The following SLC22A17 variants were observed in gnomAD, a reference collection of about 807,000 sequenced individuals.
The protein encoded by SLC22A17 is solute carrier family 22 member 17, also known as 24p3 receptor.
SLC22A17 carries 38 observed loss-of-function variants against 53.6 expected under a neutral mutation model. The ratio of observed to expected loss-of-function variants is 0.71; its 90% CI spans 0.55 to 0.93. The LOEUF (loss-of-function observed/expected upper bound fraction) is 0.93, where lower values mean the gene tolerates loss of function less well. Ranked by LOEUF, SLC22A17 falls within the 40% of genes least tolerant of loss-of-function variation. The pLI, the probability that SLC22A17 is intolerant of heterozygous loss-of-function variation, is 0.00. For synonymous variants in SLC22A17, 379 were observed against 353.0 expected, an observed-to-expected ratio of 1.07 and a Z score of -0.82; for missense variants, 704 against 791.0, an observed-to-expected ratio of 0.89 and a Z score of 1.32.
At position 23,348,771 on chromosome 14, in the gene SLC22A17, G is replaced by C; in HGVS notation, c.860-100C>G. On this transcript the variant is annotated intron_variant, in intron 4 of 9. Transcript: ENST00000397267. The surrounding 1 kb of genome is among the most constrained non-coding windows in gnomAD (Gnocchi z 4.5). ...GGGAGGGAGGAGGACAGAGAGAGAG[G>C]TCAGACCCAGAGTGGAGGCTGCAGC... 7.0e-6 allele frequency: 9 copies of C among 1,278,752 alleles called. No homozygotes were observed. In the South Asian group the frequency reaches 7.6e-5, roughly 11 times the overall value. The allele number at this position is 1,278,752 out of a possible 1,614,324, so 79.2% of individuals were successfully genotyped here.
In SLC22A17 at chr14:23,347,243, A is replaced by T. The variant is rs751827115; in HGVS notation, c.1550-31T>A. On this transcript the variant is annotated intron_variant, in intron 8 of 9. Coordinates refer to ENST00000397267, the Ensembl canonical transcript of SLC22A17. The surrounding 1 kb of genome is among the most constrained non-coding windows in gnomAD (Gnocchi z 5.1). ...GAAGCAAGAGGGATGATATGAATGCAGGTGGGGAGGTCAAGGCTGGCCTAG... is the reference window on the plus strand; with the variant it reads ...GAAGCAAGAGGGATGATATGAATGCTGGTGGGGAGGTCAAGGCTGGCCTAG... The T allele has an allele frequency of 1.3e-6, 2 of 1,586,576 alleles. No homozygotes were observed. Among genetic ancestry groups the T allele is most frequent in the South Asian group, 2.3e-5 (2 of 88,294 alleles).
At position 23,347,631 on chromosome 14, in the gene SLC22A17, C is replaced by T; in HGVS notation, c.1378G>A (p.Ala460Thr). 1 of 1,614,006 alleles carries T rather than the reference C, an allele frequency of 6.2e-7. No individual in the cohort carries two copies. Among genetic ancestry groups the T allele is most frequent in the Non-Finnish European group, 8.5e-7 (1 of 1,180,006 alleles). ...ACCCCCAGGAAGACACAGGCCAGGG[C>T]TGCGGTGCCGCTGGCCAGCAGAGAG... The change falls in exon 8 of 10, where the codon GCC becomes ACC. Residue 460 changes from alanine (A) to threonine (T), a missense_variant. By Grantham distance (58) the Ala-to-Thr change is moderately conservative. Coordinates refer to ENST00000397267, the Ensembl canonical transcript of SLC22A17. This position sits in a 1 kb window ranked among gnomAD's most constrained non-coding sequence, Gnocchi z 5.1.
chr14:23,352,336 A>C lies in SLC22A17; in HGVS notation c.212T>G (p.Leu71Arg). Reference sequence around the variant, plus strand: ...GCTGAGGGGGCCTGGGGGCACGGCCAGCGACAGGCTGCTGCCCAGTCCGTC... The same window carrying C: ...GCTGAGGGGGCCTGGGGGCACGGCCCGCGACAGGCTGCTGCCCAGTCCGTC... The change falls in exon 2 of 10, where the codon CTG becomes CGG. Residue 71 changes from leucine (L) to arginine (R), a missense_variant. By Grantham distance (102) the Leu-to-Arg change is moderately radical (BLOSUM62 -2). This residue lies in a region of SLC22A17 where 42 missense variants were observed against 28.2 expected (regional missense o/e 1.49). Coordinates refer to ENST00000397267, the Ensembl canonical transcript of SLC22A17. This position sits in a 1 kb window ranked among gnomAD's most constrained non-coding sequence, Gnocchi z 7.2. 2.6e-6 allele frequency: 3 copies of C among 1,164,768 alleles called. No homozygotes were observed. The highest frequency in any genetic ancestry group is 3.4e-6 in the Non-Finnish European group (3 of 880,286). The allele number at this position is 1,164,768 out of a possible 1,614,324, so 72.2% of individuals were successfully genotyped here.
Position 23,347,052 on chromosome 14 carries a change from G to A in SLC22A17, c.1661+49C>T, listed in dbSNP as rs373355784. 4.5e-5 allele frequency: 70 copies of A among 1,551,246 alleles called. No homozygotes were observed. Among genetic ancestry groups the A allele is most frequent in the African/African-American group, 1.2e-4 (9 of 73,806 alleles). ...GTCCTCAGGGGTGGGGTGGGGGAGC[G>A]GGAGGCGAGGGGGCCCGGCTCTGCC... On this transcript the variant is annotated intron_variant, in intron 9 of 9. Transcript: ENST00000397267. This position sits in a 1 kb window ranked among gnomAD's most constrained non-coding sequence, Gnocchi z 5.1.
At position 23,352,074 on chromosome 14, in the gene SLC22A17, GGCGCTGGCTGCTAGGGCA is replaced by G. The variant is rs1566484108; in HGVS notation, c.456_473del (p.Leu154_Ala159del). 1 of 1,597,830 alleles carries G rather than the reference GGCGCTGGCTGCTAGGGCA, an allele frequency of 6.3e-7. No homozygotes were observed. The highest frequency in any genetic ancestry group is 1.1e-5 in the South Asian group (1 of 88,958). ...CGGTACTGGTGGCGACACGGCTGGC[GGCGCTGGCTGCTAGGGCA>G]GCGCTGGCGACGCTGACGCCGCTGG... On this transcript the variant is annotated inframe_deletion, in exon 2 of 10. Transcript: ENST00000397267. The surrounding 1 kb of genome is among the most constrained non-coding windows in gnomAD (Gnocchi z 7.2).
rs775898371 is a variant in SLC22A17 at position 23,347,711 on chromosome 14, C to T, written c.1298G>A (p.Arg433His). ...TCCTCCCACAGGCTGGTAGCAGTGG[C>T]GAATGGCATGGGCAATGAAGCTGTG... Residue 433 changes from arginine (R) to histidine (H), a missense_variant, in exon 8 of 10, where the codon CGC (arginine) becomes CAC (histidine). By Grantham distance (29) the Arg-to-His change is conservative. Coordinates refer to ENST00000397267, the Ensembl canonical transcript of SLC22A17. The surrounding 1 kb of genome is among the most constrained non-coding windows in gnomAD (Gnocchi z 5.1). 1.7e-5 allele frequency: 27 copies of T among 1,613,630 alleles called. No individual in the cohort carries two copies. Among genetic ancestry groups the T allele is most frequent in the Middle Eastern group, 3.3e-4 (2 of 6,082 alleles).
rs1889667643 is a variant in SLC22A17, at chr14:23,352,045, G to C, written c.503C>G (p.Pro168Arg). The C allele has an allele frequency of 1.2e-6, 2 of 1,607,744 alleles. No homozygotes were observed. Among genetic ancestry groups the C allele is most frequent in the Non-Finnish European group, 1.7e-6 (2 of 1,177,462 alleles). Reference sequence around the variant, plus strand: ...CGGCGGGGCGAAGCCGCTGCACGAGGGGTCGGTACTGGTGGCGACACGGCT... The same window carrying C: ...CGGCGGGGCGAAGCCGCTGCACGAGCGGTCGGTACTGGTGGCGACACGGCT... Residue 168 changes from proline (P) to arginine (R), a missense_variant, in exon 2 of 10, where the codon CCC (proline) becomes CGC (arginine). Around this residue, in one of 4 missense-constraint regions of SLC22A17, gnomAD observed 435 missense variants for 529.0 expected, o/e 0.82. Transcript: ENST00000397267. The surrounding 1 kb of genome is among the most constrained non-coding windows in gnomAD (Gnocchi z 7.2).
intron 3 of SLC22A17, among the ~76,000 whole-genome samples, chr14:23,350,196 C>T (rs911778317): frequency 8.6e-5 from 13 of 151,736 alleles, no homozygotes; most frequent in Admixed American, 6.6e-4. Context: ...CTCAGCTACT[C>T]GGGAGGCTGA....
exon 3 of SLC22A17, chr14:23,351,767 C>A (rs1889635384): frequency 6.2e-7 from 1 of 1,613,452 alleles, no homozygotes; most frequent in Non-Finnish European, 8.5e-7. Context: ...TGCGGGGTAA[C>A]CCAGGAACAG....
In SLC22A17 at chr14:23,350,481, A is replaced by G. The variant is rs1211300568; in HGVS notation, c.705-1055T>C. On this transcript the variant is annotated intron_variant, in intron 3 of 9. Coordinates refer to ENST00000397267, the Ensembl canonical transcript of SLC22A17. Reference sequence around the variant, plus strand: ...GGGGAGATGAGACTATTGGTAAGTGATTATGGTCACTAACTATGAGTTAGT... The same window carrying G: ...GGGGAGATGAGACTATTGGTAAGTGGTTATGGTCACTAACTATGAGTTAGT... 4.6e-5 allele frequency among the ~76,000 whole-genome samples: 7 copies of G among 152,294 alleles called. No homozygotes were observed. The East Asian group carries it at 1.4e-3, about 29-fold the overall frequency.
At position 23,348,206 on chromosome 14, in the gene SLC22A17, G is replaced by C; in HGVS notation, c.1126C>G (p.Pro376Ala). 1 of 1,614,116 alleles carries C rather than the reference G, an allele frequency of 6.2e-7. No homozygotes were observed. The highest frequency in any genetic ancestry group is 8.5e-7 in the Non-Finnish European group (1 of 1,179,992). Residue 376 changes from proline to alanine, a missense_variant, in exon 6 of 10, where the codon CCC becomes GCC. Around this residue, in one of 4 missense-constraint regions of SLC22A17, gnomAD observed 435 missense variants for 529.0 expected, o/e 0.82. Coordinates refer to ENST00000397267, the Ensembl canonical transcript of SLC22A17. The surrounding 1 kb of genome is among the most constrained non-coding windows in gnomAD (Gnocchi z 4.5). ...TCCTCCCCCAGCATCTGCCCATGGG[G>C]CCGGTTTCGCTCAGCCAGGATCCTC... is the stretch of plus-strand genomic sequence containing the variant.
In SLC22A17 at chr14:23,347,096, C is replaced by A; in HGVS notation, c.1661+5G>T. ...CTCTGCCCCTGGGGGCACCCCTGCT[C>A]TCACCGGACAGTGGTGGGGATGACC... On this transcript the variant is annotated splice_donor_5th_base_variant and intron_variant, in intron 9 of 9. Transcript: ENST00000397267. This position sits in a 1 kb window ranked among gnomAD's most constrained non-coding sequence, Gnocchi z 5.1. 6.2e-7 allele frequency: 1 copy of A among 1,611,072 alleles called. No homozygotes were observed. The highest frequency in any genetic ancestry group is 1.1e-5 in the South Asian group (1 of 90,600).
rs1889728761 is a variant in SLC22A17 at position 23,352,799 on chromosome 14, T to C, written c.-58A>G. ...CCGAAAGGATGCGCTGTCCTCTGGC[T>C]CAGTTGCGCGCCGGCTGCCCGGACA... On this transcript the variant is annotated 5_prime_UTR_variant, in exon 1 of 10. Coordinates refer to ENST00000397267, the Ensembl canonical transcript of SLC22A17. The surrounding 1 kb of genome is among the most constrained non-coding windows in gnomAD (Gnocchi z 7.2). The C allele has an allele frequency of 1.3e-5, 5 of 398,454 alleles. No homozygotes were observed. Among genetic ancestry groups the C allele is most frequent in the African/African-American group, 2.1e-5 (1 of 48,586 alleles). The allele number at this position is 398,454 out of a possible 1,614,324, so 24.7% of individuals were successfully genotyped here. A position where few individuals can be genotyped will look rare whatever the true frequency, so the allele number is the denominator to read the frequency against.
At chr14:23,349,124 C>G (rs748707509) in intron 4 of SLC22A17, 148 bp downstream of exon 4, 1 of 1,000,106 alleles carries the variant, frequency 1.0e-6, no homozygotes, top group African/African-American at 1.6e-5. Context: ...AAGCAAGAGC[C>G]CTGGATTCTT....
chr14:23,352,077 G>T lies in SLC22A17; in HGVS notation c.471C>A (p.Ser157Arg). The T allele has an allele frequency of 1.3e-6, 2 of 1,596,898 alleles. No homozygotes were observed. The highest frequency in any genetic ancestry group is 4.5e-5 in the East Asian group (2 of 44,088). The change falls in exon 2 of 10, where the codon AGC (serine) becomes AGA (arginine). Residue 157 changes from serine (S) to arginine (R), a missense_variant. Physicochemically the swap from Ser to Arg is moderately radical, Grantham distance 110. Coordinates refer to ENST00000397267, the Ensembl canonical transcript of SLC22A17. The surrounding 1 kb of genome is among the most constrained non-coding windows in gnomAD (Gnocchi z 7.2). ...TACTGGTGGCGACACGGCTGGCGGC[G>T]CTGGCTGCTAGGGCAGCGCTGGCGA...
chr14:23,352,053 A>T lies in SLC22A17; in HGVS notation c.495T>A (p.Ser165Arg). The T allele has an allele frequency of 6.2e-7, 1 of 1,606,218 alleles. No individual in the cohort carries two copies. The highest frequency in any genetic ancestry group is 8.5e-7 in the Non-Finnish European group (1 of 1,176,736). Residue 165 changes from serine to arginine, a missense_variant, in exon 2 of 10, where the codon AGT becomes AGA. Transcript: ENST00000397267. This position sits in a 1 kb window ranked among gnomAD's most constrained non-coding sequence, Gnocchi z 7.2. Reference sequence around the variant, plus strand: ...CGAAGCCGCTGCACGAGGGGTCGGTACTGGTGGCGACACGGCTGGCGGCGC... The same window carrying T: ...CGAAGCCGCTGCACGAGGGGTCGGTTCTGGTGGCGACACGGCTGGCGGCGC...
chr14:23,350,093 C>T (rs1889529013), intron 3 of SLC22A17, among the ~76,000 whole-genome samples: 1 of 152,102 alleles, frequency 6.6e-6, no homozygotes, highest in Non-Finnish European at 1.5e-5. Context: ...ATCACGAGGT[C>T]AGGAGTTCAA....
At position 23,348,379 on chromosome 14, in the gene SLC22A17, C is replaced by G; in HGVS notation, c.1026-73G>C. On this transcript the variant is annotated intron_variant, in intron 5 of 9. Transcript: ENST00000397267. The surrounding 1 kb of genome is among the most constrained non-coding windows in gnomAD (Gnocchi z 4.5). The stretch of plus-strand genomic sequence containing the variant: ...ATCTAGGGGTGGGAAATGTGCACCT[C>G]TGAGGGACTGGGGCTGGGGTAGGCC... The G allele has an allele frequency of 6.3e-7, 1 of 1,594,428 alleles. No homozygotes were observed. The highest frequency in any genetic ancestry group is 1.7e-5 in the Admixed American group (1 of 59,354).
Position 23,348,385 on chromosome 14 carries a change from G to T in SLC22A17, c.1026-79C>A. On this transcript the variant is annotated intron_variant, in intron 5 of 9. Coordinates refer to ENST00000397267, the Ensembl canonical transcript of SLC22A17. The surrounding 1 kb of genome is among the most constrained non-coding windows in gnomAD (Gnocchi z 4.5). Reference sequence around the variant, plus strand: ...GGGTGGGAAATGTGCACCTCTGAGGGACTGGGGCTGGGGTAGGCCTGGACC... The same window carrying T: ...GGGTGGGAAATGTGCACCTCTGAGGTACTGGGGCTGGGGTAGGCCTGGACC... The T allele has an allele frequency of 6.3e-7, 1 of 1,589,674 alleles. No homozygotes were observed. The highest frequency in any genetic ancestry group is 1.3e-5 in the African/African-American group (1 of 74,686).
Sources: allele counts gnomAD v4.1 joint callset (sites outside exome capture counted in the v4.1 genomes callset), GRCh38; gene constraint gnomAD v4.1.1; regional missense constraint gnomAD v4.1.1; non-coding constraint Gnocchi (gnomAD v3.1); transcripts MANE v1.5; gene names NCBI Gene and HGNC (gene_info 2026-07-23, HGNC 2026-07-21).